Variants in PARD3B observed in about 807,000 individuals in gnomAD.
PARD3B encodes partitioning defective 3 homolog B.
Under a neutral mutation model 130.2 loss-of-function variants are expected in PARD3B, and 103 were observed. That is an observed-to-expected ratio of 0.79 (90% CI 0.67 to 0.93). The LOEUF is 0.93. Ranked by LOEUF, PARD3B falls within the 40% of genes least tolerant of loss-of-function variation. The probability of loss-of-function intolerance (pLI) is 0.00; values close to 1 mark genes in which losing one functional copy is unlikely to be tolerated. For missense variants in PARD3B, 1,609 were observed against 1,499.2 expected (o/e 1.07, Z -1.21); for synonymous variants, 583 against 553.2 (o/e 1.05, Z -0.76).
chr2:204,728,345 A>T (rs557910456), intron 2 of PARD3B, among the ~76,000 whole-genome samples: 20 of 152,274 alleles, frequency 1.3e-4, no homozygotes, highest in African/African-American at 4.8e-4. Flanking sequence ...CTTAAGGAAG[A>T]CAAGGGCTTC....
rs1310865938 is a variant in PARD3B, at chr2:205,380,684, C to CATATATACTATATATAAAGAATATACATT, written c.2631-20274_2631-20246dup. ...TTATATATAATATATAAAGAATAAACATATATACTATATATAAAGAATATA... is the reference window on the plus strand; with the variant it reads ...TTATATATAATATATAAAGAATAAACATATATACTATATATAAAGAATATACATTATATATACTATATATAAAGAATATA... On this transcript the variant is annotated intron_variant, in intron 18 of 22. Transcript: ENST00000406610. Among the ~76,000 whole-genome samples the CATATATACTATATATAAAGAATATACATT allele has an allele frequency of 4.7e-3, 402 of 85,364 alleles. 17 individuals are homozygous for CATATATACTATATATAAAGAATATACATT. Among genetic ancestry groups the CATATATACTATATATAAAGAATATACATT allele is most frequent in the African/African-American group, 0.02 (365 of 17,816 alleles). The allele number at this position is 85,364 out of a possible 152,430, so 56.0% of individuals were successfully genotyped here.
chr2:204,919,654 A>C (rs943300672), intron 2 of PARD3B, among the ~76,000 whole-genome samples: 1 of 152,198 alleles, frequency 6.6e-6, no homozygotes, highest in Admixed American at 6.5e-5. Context: ...GATAATGGAC[A>C]TCTGGGATTT....
At chr2:205,346,288 T>G (rs967650994) in intron 18 of PARD3B, among the ~76,000 whole-genome samples, 1 of 152,080 alleles carries the variant, frequency 6.6e-6, no homozygotes, top group African/African-American at 2.4e-5. Flanking sequence ...TGGAGCCATA[T>G]TCCATCTGAC....
rs113473682 is a variant in PARD3B at position 205,492,275 on chromosome 2, A to G, written c.3045-7621A>G. 9.4e-4 allele frequency among the ~76,000 whole-genome samples: 143 copies of G among 152,282 alleles called. 1 individual carries two copies. Among genetic ancestry groups the G allele is most frequent in the Middle Eastern group, 3.4e-3 (1 of 294 alleles). On this transcript the variant is annotated intron_variant, in intron 20 of 22. Coordinates refer to ENST00000406610, the MANE Select transcript of PARD3B (RefSeq NM_001302769.2). Reference sequence around the variant, plus strand: ...CCTTAGAAATAAAAGCAGATTTTACATTTGGAAGGTTTGTGTTGTCTGTTT... The same window carrying G: ...CCTTAGAAATAAAAGCAGATTTTACGTTTGGAAGGTTTGTGTTGTCTGTTT...
chr2:204,829,750 A>C (rs1268295316), intron 2 of PARD3B, among the ~76,000 whole-genome samples: 1 of 152,110 alleles, frequency 6.6e-6, no homozygotes, highest in African/African-American at 2.4e-5. Flanking sequence ...CTGTAATCCC[A>C]GCACTTTGGG....
intron 18 of PARD3B, among the ~76,000 whole-genome samples, chr2:205,331,403 A>G (rs1418212989): frequency 6.6e-6 from 1 of 152,016 alleles, no homozygotes; most frequent in East Asian, 1.9e-4. Flanking sequence ...CTAAGCCAGA[A>G]GTTCTCCTCA....
intron 15 of PARD3B, among the ~76,000 whole-genome samples, chr2:205,196,085 A>G (rs948182717): frequency 3.3e-5 from 5 of 152,166 alleles, no homozygotes; most frequent in South Asian, 4.1e-4. Context: ...GACAATTCCA[A>G]TTAAGAAAAA....
rs369447376 is a variant in PARD3B at position 205,172,247 on chromosome 2, G to A, written c.1657G>A (p.Val553Ile). The A allele has an allele frequency of 7.4e-6, 12 of 1,614,032 alleles. No individual in the cohort carries two copies. The highest frequency in any genetic ancestry group is 3.3e-5 in the Admixed American group (2 of 60,006). ...RLRMNDQLIA[V>I]NGESLLGKSN... ...GCGAATGAATGACCAGCTGATTGCA[G>A]TTAATGGGGAATCTCTTTTGGGAAA... The change falls in exon 12 of 23, where the codon GTT becomes ATT. Residue 553 changes from valine (V) to isoleucine (I), a missense_variant. Physicochemically the swap from Val to Ile is conservative, Grantham distance 29. Transcript: ENST00000406610.
intron 22 of PARD3B, among the ~76,000 whole-genome samples, chr2:205,574,455 G>A (rs1035492554): frequency 6.6e-6 from 1 of 152,102 alleles, no homozygotes; most frequent in South Asian, 2.1e-4. Context: ...TGTTATCCAC[G>A]GGCTGCAGCT....
At chr2:204,637,626 A>C (rs549528815) in intron 1 of PARD3B, among the ~76,000 whole-genome samples, 4 of 152,210 alleles carry the variant, frequency 2.6e-5, no homozygotes, top group Non-Finnish European at 4.4e-5. Flanking sequence ...ACTAGGTTAA[A>C]GTAACAGTAT....
intron 1 of PARD3B, among the ~76,000 whole-genome samples, chr2:204,652,223 C>T (rs1008393404): frequency 1.2e-4 from 19 of 152,098 alleles, no homozygotes; most frequent in Admixed American, 5.9e-4. Flanking sequence ...GCAAATTTTC[C>T]GAACTTCTTG....
At chr2:205,224,172 A>G (rs1256716575) in intron 15 of PARD3B, among the ~76,000 whole-genome samples, 2 of 150,622 alleles carry the variant, frequency 1.3e-5, no homozygotes, top group African/African-American at 2.4e-5. Flanking sequence ...GATTGAGACC[A>G]TCCTGGAGAA....
chr2:204,859,363 G>C lies in PARD3B; in HGVS notation c.223-105789G>C, dbSNP rs79438158. Among the ~76,000 whole-genome samples the C allele has an allele frequency of 3.7e-3, 567 of 152,192 alleles. 5 individuals carry two copies. Among genetic ancestry groups the C allele is most frequent in the African/African-American group, 0.013 (528 of 41,552 alleles). On this transcript the variant is annotated intron_variant, in intron 2 of 22. Coordinates refer to ENST00000406610, the MANE Select transcript of PARD3B (RefSeq NM_001302769.2). ...ATGTTTTTAGAAATGGATGAGAATA[G>C]CCATATACCCCAACATCAAGATCTA... is the stretch of plus-strand genomic sequence containing the variant.
At chr2:204,929,274 G>C (rs1687852121) in intron 2 of PARD3B, among the ~76,000 whole-genome samples, 1 of 152,156 alleles carries the variant, frequency 6.6e-6, no homozygotes, top group African/African-American at 2.4e-5. Flanking sequence ...TTCACTGCTA[G>C]TTGAATAATC....
rs1159561152 is a variant in PARD3B at position 205,338,152 on chromosome 2, CA to C, written c.2630+36477del. On this transcript the variant is annotated intron_variant, in intron 18 of 22. Coordinates refer to ENST00000406610, the MANE Select transcript of PARD3B (RefSeq NM_001302769.2). ...TGGGCAACAGAGTGAGACTCCATCT[CA>C]AAAAAAAAAAAAAAAAAAAAAAAAA... Among the ~76,000 whole-genome samples, 124 of 20,456 alleles carry C rather than the reference CA, an allele frequency of 6.1e-3. 5 individuals are homozygous for C. Among genetic ancestry groups the C allele is most frequent in the East Asian group, 0.051 (18 of 350 alleles). 13.4% of individuals were successfully genotyped at this position (20,456 alleles called of 152,430 possible).
chr2:205,043,621 A>T (rs1456631962), intron 3 of PARD3B, among the ~76,000 whole-genome samples: 1 of 152,024 alleles, frequency 6.6e-6, no homozygotes, highest in Non-Finnish European at 1.5e-5. Flanking sequence ...TTACTCCCTA[A>T]CACTGGAAGC....
chr2:205,528,803 A>G (rs970239895), intron 21 of PARD3B, among the ~76,000 whole-genome samples: 2 of 152,084 alleles, frequency 1.3e-5, no homozygotes, highest in Admixed American at 6.6e-5. Context: ...ACAATCTTAA[A>G]TACTCAACAA....
At chr2:205,334,062 A>G (rs849221) in intron 18 of PARD3B, among the ~76,000 whole-genome samples, 137,749 of 152,192 alleles carry the variant, frequency 0.91, 62,505 homozygotes, top group Admixed American at 0.94. Flanking sequence ...GTGATTGGAG[A>G]ATGATTGAGT....
intron 20 of PARD3B, among the ~76,000 whole-genome samples, chr2:205,483,523 C>A (rs2049321422): frequency 6.6e-6 from 1 of 152,182 alleles, no homozygotes; most frequent in Non-Finnish European, 1.5e-5. Flanking sequence ...TAGTGAGTAT[C>A]CATTAAGCAG....
Sources: allele counts gnomAD v4.1 joint callset (sites outside exome capture counted in the v4.1 genomes callset), GRCh38; gene constraint gnomAD v4.1.1; transcripts MANE v1.5; gene names NCBI Gene and HGNC (gene_info 2026-07-23, HGNC 2026-07-21).